CIB4: variants seen among roughly 807,000 people sequenced by gnomAD.
CIB4 encodes calcium and integrin-binding family member 4.
CIB4 carries 25 observed loss-of-function variants against 25.8 expected under a neutral mutation model. The ratio of observed to expected loss-of-function variants is 0.97; its 90% CI spans 0.71 to 1.35. CIB4 has a LOEUF of 1.35. CIB4 is among the 40% of genes most tolerant of loss of function. CIB4 has a pLI of 0.00. For synonymous variants in CIB4, 75 were observed against 81.4 expected, an observed-to-expected ratio of 0.92 and a Z score of 0.42; for missense variants, 235 against 228.2, an observed-to-expected ratio of 1.03 and a Z score of -0.19.
chr2:26,641,364 C>G lies in CIB4; in HGVS notation c.-50G>C. 1.3e-6 allele frequency: 2 copies of G among 1,517,186 alleles called. No individual in the cohort carries two copies. The highest frequency in any genetic ancestry group is 2.2e-5 in the East Asian group (1 of 44,464). The allele number at this position is 1,517,186 out of a possible 1,614,324, so 94.0% of individuals were successfully genotyped here. On this transcript the variant is annotated 5_prime_UTR_variant, in exon 1 of 7. Coordinates refer to ENST00000288861, the MANE Select transcript of CIB4 (RefSeq NM_001029881.3). ...AGCAGTAGAACCTCAGCCTCAAGGA[C>G]TCGCCAGCTGAGGCACCTCGTTGAT...
At chr2:26,607,692 C>T (rs1668917166) in intron 3 of CIB4, among the ~76,000 whole-genome samples, 1 of 152,218 alleles carries the variant, frequency 6.6e-6, no homozygotes, top group African/African-American at 2.4e-5. Context: ...TAACCCCCAC[C>T]CCACTTCACC....
intron 3 of CIB4, among the ~76,000 whole-genome samples, chr2:26,598,314 G>A (rs1009015827): frequency 1.1e-4 from 16 of 150,470 alleles, no homozygotes; most frequent in Admixed American, 6.6e-4. Flanking sequence ...AAAAAAAAAA[G>A]TGCAAAAACA....
At chr2:26,583,948 G>T (rs774408424) in intron 4 of CIB4, 50 bp from the exon 5 acceptor site, 2 of 1,236,760 alleles carry the variant, frequency 1.6e-6, no homozygotes, top group Non-Finnish European at 2.4e-6. Context: ...GGGCTAAACA[G>T]GAAGAGGACT....
intron 3 of CIB4, among the ~76,000 whole-genome samples, chr2:26,623,207 G>A (rs1000696291): frequency 1.7e-4 from 26 of 151,954 alleles, no homozygotes; most frequent in South Asian, 6.2e-4. Flanking sequence ...GCTGGGTGTG[G>A]TGGTACATGC....
chr2:26,616,797 A>G (rs982100468), intron 3 of CIB4, among the ~76,000 whole-genome samples: 3 of 152,238 alleles, frequency 2.0e-5, no homozygotes, highest in Admixed American at 6.5e-5. Flanking sequence ...CCACACAGGC[A>G]CACACACGTG....
At chr2:26,605,276 A>T (rs1148970) in intron 3 of CIB4, among the ~76,000 whole-genome samples, 139,949 of 152,180 alleles carry the variant, frequency 0.92, 65,337 homozygotes, top group East Asian at 1. Flanking sequence ...TGAATTTTTT[A>T]AAAAAAGAAA....
intron 4 of CIB4, among the ~76,000 whole-genome samples, chr2:26,588,290 C>T (rs1668493873): frequency 6.6e-6 from 1 of 152,262 alleles, no homozygotes; most frequent in South Asian, 2.1e-4. Context: ...CATCTGGAAA[C>T]AGAATAATTT....
At chr2:26,610,390 C>T (rs750714631) in intron 3 of CIB4, among the ~76,000 whole-genome samples, 32 of 152,264 alleles carry the variant, frequency 2.1e-4, no homozygotes, top group Admixed American at 6.5e-5. Context: ...CCCACTGCCC[C>T]ACGCTCAGTG....
At chr2:26,592,128 G>C (rs1283900466) in intron 4 of CIB4, among the ~76,000 whole-genome samples, 1 of 152,224 alleles carries the variant, frequency 6.6e-6, no homozygotes, top group Non-Finnish European at 1.5e-5. Flanking sequence ...TCTAGTGCTG[G>C]TTCTTATCAG....
chr2:26,641,147 G>A, intron 1 of CIB4, 114 bp downstream of exon 1: 1 of 850,544 alleles, frequency 1.2e-6, no homozygotes, highest in South Asian at 1.4e-5. Flanking sequence ...GTGGCCCAGG[G>A]AAGCCAAAAA....
chr2:26,593,868 G>T (rs187405803), intron 4 of CIB4, among the ~76,000 whole-genome samples: 1 of 152,284 alleles, frequency 6.6e-6, no homozygotes, highest in East Asian at 1.9e-4. Context: ...GTAGAGGTCA[G>T]AAAGAGATAT....
chr2:26,637,215 G>C (rs147056084), intron 2 of CIB4, among the ~76,000 whole-genome samples: 1 of 152,138 alleles, frequency 6.6e-6, no homozygotes, highest in African/African-American at 2.4e-5. Flanking sequence ...CTGCCTTTCT[G>C]TTTTCACCTG....
At chr2:26,611,143 G>A (rs980544011) in intron 3 of CIB4, among the ~76,000 whole-genome samples, 35 of 152,230 alleles carry the variant, frequency 2.3e-4, no homozygotes, top group African/African-American at 8.4e-4. Flanking sequence ...CTCCCTCCAG[G>A]ATGGCACCCT....
intron 2 of CIB4, 123 bp from the exon 3 acceptor site, chr2:26,629,629 G>A: frequency 1.5e-6 from 1 of 670,426 alleles, no homozygotes; most frequent in Non-Finnish European, 2.7e-6. Context: ...TTTGAGGAAG[G>A]AGACTTGGGG....
Position 26,632,140 on chromosome 2 carries a change from G to C in CIB4, c.90-2634C>G, listed in dbSNP as rs138895237. ...GACCTCTCTGAGCACGCAGGCCCAG[G>C]TTCATATCCTGACTCTGTCTGATGG... On this transcript the variant is annotated intron_variant, in intron 2 of 6. Coordinates refer to ENST00000288861, the MANE Select transcript of CIB4 (RefSeq NM_001029881.3). Among the ~76,000 whole-genome samples, 11 of 152,296 alleles carry C rather than the reference G, an allele frequency of 7.2e-5. No individual in the cohort carries two copies. The East Asian group carries it at 2.1e-3, about 29-fold the overall frequency.
At chr2:26,589,087 T>TTCTTCTTCCTCTTCC (rs1558554999) in intron 4 of CIB4, among the ~76,000 whole-genome samples, 1 of 93,362 alleles carries the variant, frequency 1.1e-5, no homozygotes, top group African/African-American at 6.3e-5. Context: ...CTTCTTCTTC[T>TTCTTCTTCCTCTTCC]TCTTCTTCTT....
Position 26,627,270 on chromosome 2 carries a change from C to T in CIB4, c.186+2140G>A, listed in dbSNP as rs1304636349. ...CCTGGGCCAGAGTTCAAGCTGACTC[C>T]CCCAGAGCAGGAACTAGTCCAGACT... On this transcript the variant is annotated intron_variant, in intron 3 of 6. Coordinates refer to ENST00000288861, the MANE Select transcript of CIB4 (RefSeq NM_001029881.3). The surrounding 1 kb of genome is among the most constrained non-coding windows in gnomAD (Gnocchi z 4.0). 6.6e-6 allele frequency among the ~76,000 whole-genome samples: 1 copy of T among 152,180 alleles called. No homozygotes were observed. The highest frequency in any genetic ancestry group is 1.9e-4 in the East Asian group (1 of 5,192).
intron 3 of CIB4, among the ~76,000 whole-genome samples, chr2:26,609,196 G>A (rs184010088): frequency 6.6e-6 from 1 of 152,148 alleles, no homozygotes; most frequent in Non-Finnish European, 1.5e-5. Context: ...CTGTGAGTGG[G>A]GACGCCCCTC....
rs889901562 is a variant in CIB4, at chr2:26,585,251, C to T, written c.329-1353G>A. The stretch of plus-strand genomic sequence containing the variant: ...AGGCACCCTGGGGAGCCAGGGACGG[C>T]GGCAGAGATGGAGCCACCCTGGGAT... On this transcript the variant is annotated intron_variant, in intron 4 of 6. Transcript: ENST00000288861. Among the ~76,000 whole-genome samples, 6 of 151,930 alleles carry T rather than the reference C, an allele frequency of 3.9e-5. No homozygotes were observed. The East Asian group carries it at 9.6e-4, about 24-fold the overall frequency.
Sources: gnomAD v4.1 joint callset for allele counts (sites outside exome capture counted in the v4.1 genomes callset) on GRCh38, gnomAD v4.1.1 for gene constraint, Gnocchi (gnomAD v3.1) non-coding constraint, MANE v1.5 for transcripts, NCBI Gene and HGNC (gene_info 2026-07-23, HGNC 2026-07-21) for gene names.